The following WNK2 variants were observed in gnomAD, a reference collection of about 807,000 sequenced individuals.
WNK2 encodes the protein WNK lysine deficient protein kinase 2, also known as serine/threonine-protein kinase WNK2.
WNK2 carries 67 observed loss-of-function variants against 192.1 expected under a neutral mutation model. The ratio of observed to expected loss-of-function variants is 0.35; its 90% confidence interval spans 0.29 to 0.43. The LOEUF is 0.43. WNK2 is among the 20% of genes least tolerant of loss of function. The pLI is 1.00. For missense variants in WNK2, 2,698 were observed against 3,089.7 expected (o/e 0.87, Z 3.01); for synonymous variants, 1,439 against 1,393.9 (o/e 1.03, Z -0.72).
rs139881733 is a variant in WNK2 at position 93,239,569 on chromosome 9, A to G, written c.1323-188A>G. 1.2e-4 allele frequency among the ~76,000 whole-genome samples: 19 copies of G among 152,260 alleles called. No homozygotes were observed. In the East Asian group the frequency reaches 3.5e-3, roughly 28 times the overall value. On this transcript the variant is annotated intron_variant, in intron 6 of 29. Coordinates refer to ENST00000427277, the MANE Select transcript of WNK2 (RefSeq NM_006648.4). This position sits in a 1 kb window ranked among gnomAD's most constrained non-coding sequence, Gnocchi z 4.2. ...GGGGGAATAAAGGAAGTCTTAAAACACTATGTGTTAATAGTAAGACTGGAT... is the reference window on the plus strand; with the variant it reads ...GGGGGAATAAAGGAAGTCTTAAAACGCTATGTGTTAATAGTAAGACTGGAT...
At chr9:93,307,224 CCTCT>C (rs958299345) in intron 27 of WNK2, 1 of 187,862 alleles carries the variant, frequency 5.3e-6, no homozygotes. Flanking sequence ...GGGCCACTCA[CCTCT>C]CTCTCTCTCT....
Position 93,293,141 on chromosome 9 carries a change from C to T in WNK2, c.5676C>T (p.Asp1892=), listed in dbSNP as rs1423824996. 4.5e-6 allele frequency: 7 copies of T among 1,563,164 alleles called. No homozygotes were observed. Among genetic ancestry groups the T allele is most frequent in the Non-Finnish European group, 5.2e-6 (6 of 1,157,206 alleles). The part of the protein sequence containing the change: ...SDNDSELEDA[D]IKKELQSLRE... ...ATGATTCGGAGCTCGAGGATGCTGA[C>T]ATAAAGAAGGAGCTGCAGAGTCTGC... The change falls in exon 23 of 30, where the codon GAC becomes GAT. Residue 1892 remains aspartate, a synonymous_variant. Coordinates refer to ENST00000427277, the MANE Select transcript of WNK2 (RefSeq NM_006648.4).
intron 2 of WNK2, among the ~76,000 whole-genome samples, chr9:93,209,682 G>C (rs1469750682): frequency 6.6e-6 from 1 of 152,204 alleles, no homozygotes; most frequent in South Asian, 2.1e-4. Flanking sequence ...GGTGGAAGGG[G>C]ACTAGGACCT....
At chr9:93,218,342 C>T (rs1329965363) in intron 2 of WNK2, among the ~76,000 whole-genome samples, 1 of 152,194 alleles carries the variant, frequency 6.6e-6, no homozygotes, top group Non-Finnish European at 1.5e-5. Flanking sequence ...TTTAGGTGTC[C>T]CTGCGGGAAG....
chr9:93,193,377 G>A (rs773262309), intron 2 of WNK2, among the ~76,000 whole-genome samples: 3 of 151,906 alleles, frequency 2.0e-5, no homozygotes, highest in South Asian at 2.1e-4. Context: ...TGAGCACACA[G>A]GGGCCTCAGG....
At chr9:93,187,389 T>G (rs751486683) in intron 2 of WNK2, among the ~76,000 whole-genome samples, 3 of 152,114 alleles carry the variant, frequency 2.0e-5, no homozygotes, top group Non-Finnish European at 4.4e-5. Flanking sequence ...TTTTTGTCTA[T>G]ATGTTGATGT....
intron 23 of WNK2, among the ~76,000 whole-genome samples, chr9:93,296,982 C>T: frequency 7.5e-6 from 1 of 132,960 alleles, no homozygotes; most frequent in East Asian, 2.4e-4. Context: ...GCCTCCTCCC[C>T]TTGGCTTCCT....
Position 93,185,108 on chromosome 9 carries a change from C to A in WNK2, c.179C>A (p.Ala60Asp). 5.3e-6 allele frequency: 7 copies of A among 1,311,260 alleles called. No individual in the cohort carries two copies. Among genetic ancestry groups the A allele is most frequent in the Non-Finnish European group, 6.8e-6 (7 of 1,025,308 alleles). 81.2% of individuals were successfully genotyped at this position (1,311,260 alleles called of 1,614,324 possible). ...DQEEPPGLEA[A>D]EAPGPQPPQP... ...GAGGAGCCGCCGGGCTTGGAGGCAG[C>A]CGAGGCGCCGGGCCCGCAGCCCCCG... The change falls in exon 2 of 30, where the codon GCC (alanine) becomes GAC (aspartate). Residue 60 changes from alanine to aspartate, a missense_variant. Ala to Asp is a moderately radical substitution (Grantham distance 126). Around this residue, in one of 7 missense-constraint regions of WNK2, gnomAD observed 260 missense variants for 285.6 expected, o/e 0.91. Transcript: ENST00000427277.
At chr9:93,231,223 G>T in intron 4 of WNK2, 115 bp downstream of exon 4, 1 of 1,047,504 alleles carries the variant, frequency 9.5e-7, no homozygotes. Flanking sequence ...AGTGGGAGGA[G>T]CGTCTGGGCA....
intron 2 of WNK2, among the ~76,000 whole-genome samples, chr9:93,210,559 G>A (rs765867468): frequency 5.3e-5 from 8 of 152,240 alleles, no homozygotes; most frequent in East Asian, 1.9e-4. Flanking sequence ...CATCAGCCTC[G>A]TGACCTTTGC....
intron 2 of WNK2, among the ~76,000 whole-genome samples, chr9:93,225,186 G>A (rs1453747966): frequency 1.3e-5 from 2 of 152,162 alleles, no homozygotes; most frequent in African/African-American, 2.4e-5. Flanking sequence ...GATCTGTTGA[G>A]CCCAGGAGTT....
At chr9:93,291,044 A>G (rs957498698) in intron 21 of WNK2, among the ~76,000 whole-genome samples, 2 of 152,060 alleles carry the variant, frequency 1.3e-5, no homozygotes, top group African/African-American at 2.4e-5. Flanking sequence ...TTATTTCTAG[A>G]CGCCAGACTT....
intron 2 of WNK2, among the ~76,000 whole-genome samples, chr9:93,196,264 A>G (rs771460134): frequency 6.6e-6 from 1 of 151,884 alleles, no homozygotes; most frequent in Non-Finnish European, 1.5e-5. Context: ...CTTTCTGGGC[A>G]CTGTGCGTGC....
At chr9:93,287,537 C>T (rs550714571) in intron 19 of WNK2, among the ~76,000 whole-genome samples, 28 of 152,254 alleles carry the variant, frequency 1.8e-4, no homozygotes, top group African/African-American at 6.5e-4. Flanking sequence ...ATTGATAGAA[C>T]GTGCAGCACG....
intron 8 of WNK2, 72 bp from the exon 9 acceptor site, chr9:93,252,811 G>C: frequency 1.6e-6 from 2 of 1,275,882 alleles, no homozygotes; most frequent in South Asian, 3.9e-5. Context: ...AAGAAAATAT[G>C]CAGATGAGCC....
intron 28 of WNK2, chr9:93,309,318 C>A: frequency 5.8e-6 from 1 of 172,518 alleles, no homozygotes; most frequent in Non-Finnish European, 1.2e-5. Flanking sequence ...TACGTACACT[C>A]TAATTGATAT....
At chr9:93,191,663 G>GTTCTCC (rs1188040741) in intron 2 of WNK2, among the ~76,000 whole-genome samples, 3 of 152,054 alleles carry the variant, frequency 2.0e-5, no homozygotes, top group Non-Finnish European at 4.4e-5. Context: ...AGGCGGGGAG[G>GTTCTCC]GGAGAAGCAT....
intron 19 of WNK2, among the ~76,000 whole-genome samples, chr9:93,269,448 C>A (rs1276426216): frequency 2.6e-5 from 4 of 152,080 alleles, no homozygotes; most frequent in African/African-American, 9.7e-5. Flanking sequence ...CCAGTGACTC[C>A]CATTATCTTT....
In WNK2 at chr9:93,261,897, C is replaced by G; in HGVS notation, c.3150C>G (p.Leu1050=). The part of the protein sequence containing the change: ...PTVPVPPAAV[L]SPPLPEVLLP... Reference sequence around the variant, plus strand: ...TGCCTGTGCCACCGGCTGCGGTCCTCTCGCCGCCTCTGCCGGAAGTGCTGC... The same window carrying G: ...TGCCTGTGCCACCGGCTGCGGTCCTGTCGCCGCCTCTGCCGGAAGTGCTGC... The change falls in exon 13 of 30, where the codon CTC becomes CTG. Residue 1050 remains leucine, a synonymous_variant. Coordinates refer to ENST00000427277, the MANE Select transcript of WNK2 (RefSeq NM_006648.4). 2 of 1,604,330 alleles carry G rather than the reference C, an allele frequency of 1.2e-6. No homozygotes were observed. The highest frequency in any genetic ancestry group is 8.5e-7 in the Non-Finnish European group (1 of 1,179,684).
Sources: gnomAD v4.1 joint callset for allele counts (sites outside exome capture counted in the v4.1 genomes callset) on GRCh38, gnomAD v4.1.1 for gene constraint, gnomAD v4.1.1 regional missense constraint, Gnocchi (gnomAD v3.1) non-coding constraint, MANE v1.5 for transcripts, NCBI Gene and HGNC (gene_info 2026-07-23, HGNC 2026-07-21) for gene names.